The following BIRC3 variants were observed in gnomAD, a reference collection of about 807,000 sequenced individuals.
BIRC3 encodes the protein baculoviral IAP repeat-containing protein 3.
A neutral mutation model predicts 59.0 loss-of-function variants in BIRC3; 26 were observed. The observed-to-expected ratio is 0.44, with a 90% CI of 0.32 to 0.61. The LOEUF (loss-of-function observed/expected upper bound fraction) is 0.61, where lower values mean the gene tolerates loss of function less well. Ranked by LOEUF, BIRC3 falls within the 20% of genes least tolerant of loss-of-function variation. The pLI, the probability that BIRC3 is intolerant of heterozygous loss-of-function variation, is 0.04. For missense variants in BIRC3, 641 were observed against 711.5 expected, an observed-to-expected ratio of 0.90 and a Z score of 1.13; for synonymous variants, 243 against 249.2, an observed-to-expected ratio of 0.98 and a Z score of 0.24.
intron 6 of BIRC3, among the ~76,000 whole-genome samples, 181 bp downstream of exon 6, chr11:102,331,422 G>T (rs12275676): frequency 0.019 from 2,874 of 152,036 alleles, 69 homozygotes; most frequent in African/African-American, 0.066. Flanking sequence ...TATTTGAGTT[G>T]CTCATAAGTC....
Position 102,324,190 on chromosome 11 carries a change from AATGGCATCCTG to A in BIRC3, c.-314_-304del, listed in dbSNP as rs1951059018. ...CTACCTGTGGAGATGCCTGCCATTA[AATGGCATCCTG>A]ATGGCTTAATACACATCACTCTTCT... On this transcript the variant is annotated 5_prime_UTR_variant, in exon 2 of 9. It removes an upstream start codon present in the reference 5' UTR. Transcript: ENST00000263464. The A allele has an allele frequency of 4.0e-6, 1 of 247,610 alleles. No individual in the cohort carries two copies. Among genetic ancestry groups the A allele is most frequent in the East Asian group, 6.1e-5 (1 of 16,458 alleles). 15.3% of individuals were successfully genotyped at this position (247,610 alleles called of 1,614,324 possible).
At chr11:102,327,961 AT>A (rs1257381433) in intron 3 of BIRC3, 90 bp from the exon 4 acceptor site, 4 of 950,330 alleles carry the variant, frequency 4.2e-6, no homozygotes, top group Non-Finnish European at 6.3e-6. Flanking sequence ...TTGAAATGGA[AT>A]AAACACCTAG....
chr11:102,328,116 C>A lies in BIRC3; in HGVS notation c.1018C>A (p.His340Asn), dbSNP rs1340397338. 1.9e-6 allele frequency: 3 copies of A among 1,607,880 alleles called. No individual in the cohort carries two copies. The South Asian group carries it at 3.4e-5, about 18-fold the overall frequency. Reference protein sequence around the residue: ...FIRQVQASYPHLLEQLLSTSD... With the variant: ...FIRQVQASYPNLLEQLLSTSD... Reference sequence around the variant, plus strand: ...CCGTCAAGTTCAAGCCAGTTACCCTCATCTACTTGAACAGGTAGGGCAAGT... The same window carrying A: ...CCGTCAAGTTCAAGCCAGTTACCCTAATCTACTTGAACAGGTAGGGCAAGT... Residue 340 changes from histidine (H) to asparagine (N), a missense_variant, in exon 4 of 9, where the codon CAT (histidine) becomes AAT (asparagine). Physicochemically the swap from His to Asn is moderately conservative, Grantham distance 68 (BLOSUM62 1). Coordinates refer to ENST00000263464, the MANE Select transcript of BIRC3 (RefSeq NM_001165.5).
At chr11:102,328,289 T>C (rs1293843321) in intron 4 of BIRC3, among the ~76,000 whole-genome samples, 159 bp downstream of exon 4, 1 of 152,228 alleles carries the variant, frequency 6.6e-6, no homozygotes, top group Non-Finnish European at 1.5e-5. Context: ...TATTATTCTT[T>C]GGAGAAAAAT....
In BIRC3 at chr11:102,330,753, A is replaced by G. The variant is rs541646863; in HGVS notation, c.1082-246A>G. ...GTTTCCTTCTCCTGCTCACATATGT[A>G]TATCCAGTTATGACAGGTAATGTGT... On this transcript the variant is annotated intron_variant, in intron 5 of 8. Coordinates refer to ENST00000263464, the MANE Select transcript of BIRC3 (RefSeq NM_001165.5). 5.3e-5 allele frequency among the ~76,000 whole-genome samples: 8 copies of G among 152,342 alleles called. No homozygotes were observed. The East Asian group carries it at 1.5e-3, about 29-fold the overall frequency.
At chr11:102,335,576 A>G (rs1352759971) in intron 6 of BIRC3, among the ~76,000 whole-genome samples, 1 of 152,240 alleles carries the variant, frequency 6.6e-6, no homozygotes, top group Non-Finnish European at 1.5e-5. Context: ...GATGAAATGA[A>G]TCAATACATG....
At position 102,331,052 on chromosome 11, in the gene BIRC3, A is replaced by G. The variant is rs776315214; in HGVS notation, c.1135A>G (p.Thr379Ala). The change falls in exon 6 of 9, where the codon ACT (threonine) becomes GCT (alanine). Residue 379 changes from threonine to alanine, a missense_variant. This residue lies in a region of BIRC3 where 268 missense variants were observed against 255.7 expected (regional missense o/e 1.05). Coordinates refer to ENST00000263464, the MANE Select transcript of BIRC3 (RefSeq NM_001165.5). ...DHSEDAIMMN[T>A]PVINAAVEMG... Reference sequence around the variant, plus strand: ...TTCAGAAGATGCAATCATGATGAATACTCCTGTGATTAATGCTGCCGTGGA... The same window carrying G: ...TTCAGAAGATGCAATCATGATGAATGCTCCTGTGATTAATGCTGCCGTGGA... The G allele has an allele frequency of 6.2e-7, 1 of 1,613,838 alleles. No individual in the cohort carries two copies. The highest frequency in any genetic ancestry group is 1.1e-5 in the South Asian group (1 of 91,074).
At chr11:102,334,589 C>G (rs1264745786) in intron 6 of BIRC3, among the ~76,000 whole-genome samples, 1 of 152,150 alleles carries the variant, frequency 6.6e-6, no homozygotes, top group Non-Finnish European at 1.5e-5. Flanking sequence ...AATCCTCTCT[C>G]CCAAAACAAT....
intron 6 of BIRC3, among the ~76,000 whole-genome samples, chr11:102,335,427 C>A (rs540356078): frequency 6.6e-6 from 1 of 152,288 alleles, no homozygotes; most frequent in South Asian, 2.1e-4. Flanking sequence ...ATTGAAAGCA[C>A]AGTACATGAC....
chr11:102,333,909 T>G (rs554385807), intron 6 of BIRC3, among the ~76,000 whole-genome samples: 14 of 152,288 alleles, frequency 9.2e-5, no homozygotes, highest in Non-Finnish European at 1.6e-4. Flanking sequence ...GAGACCAGAC[T>G]GGACAACGTG....
intron 5 of BIRC3, among the ~76,000 whole-genome samples, chr11:102,329,894 A>T (rs1463300709): frequency 6.6e-6 from 1 of 152,014 alleles, no homozygotes; most frequent in Non-Finnish European, 1.5e-5. Context: ...TATGTAACAA[A>T]CCTGCACATT....
chr11:102,328,539 G>C (rs1393668989), intron 4 of BIRC3, among the ~76,000 whole-genome samples: 1 of 150,770 alleles, frequency 6.6e-6, no homozygotes, highest in African/African-American at 2.5e-5. Context: ...CAATGAAACT[G>C]ATACAGGGTC....
intron 6 of BIRC3, 90 bp from the exon 7 acceptor site, chr11:102,335,876 A>G: frequency 7.5e-7 from 1 of 1,333,190 alleles, no homozygotes; most frequent in Non-Finnish European, 1.0e-6. Context: ...CGAATTAAAG[A>G]TAGTTTTTAT....
At position 102,331,220 on chromosome 11, in the gene BIRC3, G is replaced by T; in HGVS notation, c.1303G>T (p.Ala435Ser). The T allele has an allele frequency of 6.2e-7, 1 of 1,605,602 alleles. No individual in the cohort carries two copies. Among genetic ancestry groups the T allele is most frequent in the Non-Finnish European group, 8.5e-7 (1 of 1,177,724 alleles). ...AATAAGGGAAGAGGAGAGAGAAAGA[G>T]CAACTGAGGAAAAAGAATCAAGTAT... is the stretch of plus-strand genomic sequence containing the variant. Reference protein sequence around the residue: ...DEIREEERERATEEKESNDLL... With the variant: ...DEIREEERERSTEEKESNDLL... Residue 435 changes from alanine to serine, a missense_variant, in exon 6 of 9, where the codon GCA (alanine) becomes TCA (serine). By Grantham distance (99) the Ala-to-Ser change is moderately conservative. Coordinates refer to ENST00000263464, the MANE Select transcript of BIRC3 (RefSeq NM_001165.5).
intron 1 of BIRC3, among the ~76,000 whole-genome samples, chr11:102,317,844 C>T (rs2135778774): frequency 6.6e-6 from 1 of 152,308 alleles, no homozygotes; most frequent in South Asian, 2.1e-4. Context: ...GAAGTTGTGG[C>T]ATTTTGATTC....
chr11:102,329,098 A>C (rs1951113599), intron 5 of BIRC3, among the ~76,000 whole-genome samples, 153 bp downstream of exon 5: 1 of 152,178 alleles, frequency 6.6e-6, no homozygotes, highest in Non-Finnish European at 1.5e-5. Context: ...CCCAAACTTC[A>C]GTGCATATCA....
chr11:102,332,926 A>G (rs1277723579), intron 6 of BIRC3, among the ~76,000 whole-genome samples: 1 of 152,200 alleles, frequency 6.6e-6, no homozygotes, highest in Non-Finnish European at 1.5e-5. Context: ...ACAATTGCTC[A>G]AAGAAGAGAA....
chr11:102,335,070 A>T (rs1409948448), intron 6 of BIRC3, among the ~76,000 whole-genome samples: 5 of 152,114 alleles, frequency 3.3e-5, no homozygotes, highest in Non-Finnish European at 7.4e-5. Context: ...GTGAAACCTC[A>T]TCTCTACTAA....
In BIRC3 at chr11:102,328,906, A is replaced by C; in HGVS notation, c.1042A>C (p.Thr348Pro). 1 of 1,380,666 alleles carries C rather than the reference A, an allele frequency of 7.2e-7. No homozygotes were observed. The highest frequency in any genetic ancestry group is 1.9e-5 in the South Asian group (1 of 53,084). The allele number at this position is 1,380,666 out of a possible 1,614,324, so 85.5% of individuals were successfully genotyped here. A position where few individuals can be genotyped will look rare whatever the true frequency, so the allele number is the denominator to read the frequency against. Reference protein sequence around the residue: ...YPHLLEQLLSTSDSPGDENAE... With the variant: ...YPHLLEQLLSPSDSPGDENAE... The stretch of plus-strand genomic sequence containing the variant: ...TTTTTTTTTTCTGCAGCTGCTATCC[A>C]CATCAGACAGCCCAGGAGATGAAAA... The change falls in exon 5 of 9, where the codon ACA becomes CCA. Residue 348 changes from threonine to proline, a missense_variant. Physicochemically the swap from Thr to Pro is conservative, Grantham distance 38. Transcript: ENST00000263464.
Sources: gnomAD v4.1 joint callset for allele counts (sites outside exome capture counted in the v4.1 genomes callset) on GRCh38, gnomAD v4.1.1 for gene constraint, gnomAD v4.1.1 regional missense constraint, MANE v1.5 for transcripts, NCBI Gene and HGNC (gene_info 2026-07-23, HGNC 2026-07-21) for gene names.